Variants in LRFN5 observed in about 807,000 individuals in gnomAD.
LRFN5 encodes the protein leucine-rich repeat and fibronectin type-III domain-containing protein 5.
A neutral mutation model predicts 45.6 loss-of-function variants in LRFN5; 24 were observed. The ratio of observed to expected loss-of-function variants is 0.53; its 90% CI spans 0.38 to 0.74. The LOEUF (loss-of-function observed/expected upper bound fraction) is 0.74. Ranked by LOEUF, LRFN5 falls within the 30% of genes least tolerant of loss-of-function variation. LRFN5 has a pLI of 0.00. For synonymous variants in LRFN5, 340 were observed against 313.8 expected, an observed-to-expected ratio of 1.08 and a Z score of -0.88; for missense variants, 776 against 861.5, an observed-to-expected ratio of 0.90 and a Z score of 1.24.
At chr14:41,741,095 T>A (rs1241932357) in intron 1 of LRFN5, among the ~76,000 whole-genome samples, 1 of 151,300 alleles carries the variant, frequency 6.6e-6, no homozygotes, top group Non-Finnish European at 1.5e-5. Flanking sequence ...TAAAGATAAC[T>A]CATGTTCATA....
chr14:41,710,006 A>G (rs1883219582), intron 1 of LRFN5, among the ~76,000 whole-genome samples: 1 of 152,054 alleles, frequency 6.6e-6, no homozygotes, highest in Admixed American at 6.5e-5. Context: ...TTCTCTGAGC[A>G]TAGACTAACT....
intron 2 of LRFN5, among the ~76,000 whole-genome samples, chr14:41,836,176 G>A (rs539064230): frequency 5.5e-4 from 83 of 152,104 alleles, no homozygotes; most frequent in Non-Finnish European, 1.1e-3. Flanking sequence ...TTTAGTTTCA[G>A]CTTTTGCATC....
intron 2 of LRFN5, among the ~76,000 whole-genome samples, chr14:41,797,955 T>G (rs1294748528): frequency 6.6e-6 from 1 of 151,956 alleles, no homozygotes; most frequent in Non-Finnish European, 1.5e-5. Flanking sequence ...TACTTTATTA[T>G]GTAGTTTTTC....
At chr14:41,656,331 T>A (rs1880379089) in intron 1 of LRFN5, among the ~76,000 whole-genome samples, 1 of 152,058 alleles carries the variant, frequency 6.6e-6, no homozygotes, top group African/African-American at 2.4e-5. Flanking sequence ...TTTATGCTAA[T>A]CCTACCCACT....
chr14:41,783,306 A>G (rs1367689121), intron 2 of LRFN5, among the ~76,000 whole-genome samples: 2 of 152,116 alleles, frequency 1.3e-5, no homozygotes, highest in African/African-American at 4.8e-5. Context: ...CAATGTAAAT[A>G]TTCCTTTGTG....
chr14:41,881,839 C>A (rs1890391197), intron 2 of LRFN5, among the ~76,000 whole-genome samples: 1 of 152,106 alleles, frequency 6.6e-6, no homozygotes, highest in South Asian at 2.1e-4. Context: ...TTTTTCACAT[C>A]TCTGCTAAAA....
intron 2 of LRFN5, among the ~76,000 whole-genome samples, chr14:41,817,265 T>C (rs372542765): frequency 8.5e-5 from 13 of 152,242 alleles, no homozygotes; most frequent in African/African-American, 3.1e-4. Flanking sequence ...TACCTGACAA[T>C]TGAGTCGCAT....
chr14:41,739,910 A>T (rs1048864006), intron 1 of LRFN5, among the ~76,000 whole-genome samples: 1 of 151,992 alleles, frequency 6.6e-6, no homozygotes, highest in Non-Finnish European at 1.5e-5. Context: ...CCTAAAGACT[A>T]TCATGGACAA....
rs1428416141 is a variant in LRFN5, at chr14:41,734,344, A to ATATATATATT, written c.-196-32509_-196-32508insATATATATTT. Among the ~76,000 whole-genome samples, 50 of 105,962 alleles carry ATATATATATT rather than the reference A, an allele frequency of 4.7e-4. 2 individuals carry two copies. The highest frequency in any genetic ancestry group is 2.1e-3 in the East Asian group (4 of 1,940). The allele number at this position is 105,962 out of a possible 152,430, so 69.5% of individuals were successfully genotyped here. On this transcript the variant is annotated intron_variant, in intron 1 of 5. Transcript: ENST00000298119. ...TATATATATATATATATATATATATATTTAAATTTGCTGTAACTTATTGAT... is the reference window on the plus strand; with the variant it reads ...TATATATATATATATATATATATATATATATATATTTTTAAATTTGCTGTAACTTATTGAT...
intron 3 of LRFN5, among the ~76,000 whole-genome samples, chr14:41,889,224 T>C (rs1284552038): frequency 6.6e-6 from 1 of 151,424 alleles, no homozygotes; most frequent in Non-Finnish European, 1.5e-5. Flanking sequence ...TGTATGGAAA[T>C]GAGAGTAATT....
chr14:41,698,419 C>CA (rs1202436005), intron 1 of LRFN5, among the ~76,000 whole-genome samples: 2 of 152,022 alleles, frequency 1.3e-5, no homozygotes, highest in Non-Finnish European at 2.9e-5. Flanking sequence ...TGAATTTGAG[C>CA]AATGTATGGA....
At chr14:41,673,494 G>A (rs1286117019) in intron 1 of LRFN5, among the ~76,000 whole-genome samples, 2 of 147,266 alleles carry the variant, frequency 1.4e-5, no homozygotes, top group South Asian at 2.2e-4. Flanking sequence ...CGGGCAGAGG[G>A]GCTCCTCACT....
chr14:41,650,268 A>ACACACACACACACAC (rs1437857911), intron 1 of LRFN5, among the ~76,000 whole-genome samples: 6,554 of 129,062 alleles, frequency 0.051, 178 homozygotes, highest in South Asian at 0.12. Flanking sequence ...CACACACACA[A>ACACACACACACACAC]AAAAAAAAAA....
rs896905884 is a variant in LRFN5 at position 41,895,634 on chromosome 14, G to GA, written c.2099-3274dup. Among the ~76,000 whole-genome samples, 14 of 145,900 alleles carry GA rather than the reference G, an allele frequency of 9.6e-5. No homozygotes were observed. In the South Asian group the frequency reaches 1.3e-3, roughly 13 times the overall value. ...AGAGAGACTCTGTCTCAAAAGAGAA[G>GA]AAAAAAAAAGTAAATAAATGAATAA... On this transcript the variant is annotated intron_variant, in intron 4 of 5. Transcript: ENST00000298119.
chr14:41,803,456 A>T (rs763818593), intron 2 of LRFN5, among the ~76,000 whole-genome samples: 1 of 151,908 alleles, frequency 6.6e-6, no homozygotes, highest in Non-Finnish European at 1.5e-5. Context: ...GGCTCAAACA[A>T]TCCTTCAGTC....
intron 1 of LRFN5, among the ~76,000 whole-genome samples, chr14:41,757,499 T>G (rs1417598196): frequency 2.0e-5 from 3 of 152,220 alleles, no homozygotes; most frequent in Non-Finnish European, 4.4e-5. Flanking sequence ...TGCAGTTTGA[T>G]CTCAGACTGC....
chr14:41,685,638 T>C (rs1297619445), intron 1 of LRFN5, among the ~76,000 whole-genome samples: 1 of 152,184 alleles, frequency 6.6e-6, no homozygotes, highest in Non-Finnish European at 1.5e-5. Context: ...GGTTAATTTT[T>C]GTATAAGCTG....
In LRFN5 at chr14:41,610,661, T is replaced by TTA. The variant is rs1334122731; in HGVS notation, c.-197+2099_-197+2100insTA. 5.4e-5 allele frequency among the ~76,000 whole-genome samples: 2 copies of TTA among 37,340 alleles called. 1 individual carries two copies. The highest frequency in any genetic ancestry group is 1.4e-4 in the Non-Finnish European group (2 of 14,732). 24.5% of individuals were successfully genotyped at this position (37,340 alleles called of 152,430 possible). A position where few individuals can be genotyped will look rare whatever the true frequency, so the allele number is the denominator to read the frequency against. ...TACCCCTCTGAGGTCCCAGGGAAGG[T>TTA]AAAAAAAAAAAAAAAAAAAAAAGTG... On this transcript the variant is annotated intron_variant, in intron 1 of 5. Transcript: ENST00000298119.
rs539020462 is a variant in LRFN5 at position 41,834,345 on chromosome 14, C to T, written c.-20-52261C>T. ...GTTTATTCATTTACTCACTTACTTA[C>T]TTGCACTTTGGTCATTTCATTTGGT... On this transcript the variant is annotated intron_variant, in intron 2 of 5. Coordinates refer to ENST00000298119, the MANE Select transcript of LRFN5 (RefSeq NM_152447.5). 3.5e-4 allele frequency among the ~76,000 whole-genome samples: 54 copies of T among 152,214 alleles called. 1 individual carries two copies. The East Asian group carries it at 8.7e-3, about 25-fold the overall frequency.
Sources: gnomAD v4.1 joint callset for allele counts (sites outside exome capture counted in the v4.1 genomes callset) on GRCh38, gnomAD v4.1.1 for gene constraint, MANE v1.5 for transcripts, NCBI Gene and HGNC (gene_info 2026-07-23, HGNC 2026-07-21) for gene names.